The following SLC22A5 variants were observed in gnomAD, a reference collection of about 807,000 sequenced individuals.
SLC22A5 encodes solute carrier family 22 member 5.
A neutral mutation model predicts 56.7 loss-of-function variants in SLC22A5; 44 were observed. That is an observed-to-expected ratio of 0.78 (90% CI 0.61 to 1.00). The LOEUF is 1.00. Among genes scored for constraint, SLC22A5 ranks in the 50% least tolerant of loss-of-function variants. The pLI, the probability that SLC22A5 is intolerant of heterozygous loss-of-function variation, is 0.00. For missense variants in SLC22A5, 675 were observed against 723.0 expected (o/e 0.93, Z 0.76); for synonymous variants, 278 against 292.1 (o/e 0.95, Z 0.49).
chr5:132,376,044 A>C (rs533472923), intron 1 of SLC22A5: 1 of 152,380 alleles, frequency 6.6e-6, no homozygotes, highest in East Asian at 1.9e-4. Context: ...GGGGGTACTT[A>C]GCCTGGACTC....
chr5:132,385,091 A>G (rs1752474808), intron 3 of SLC22A5, among the ~76,000 whole-genome samples: 1 of 152,226 alleles, frequency 6.6e-6, no homozygotes, highest in African/African-American at 2.4e-5. Context: ...TGGCTTCAGA[A>G]CATGGCGAAA....
chr5:132,375,415 T>A (rs889083093), intron 1 of SLC22A5, among the ~76,000 whole-genome samples: 3 of 152,232 alleles, frequency 2.0e-5, no homozygotes, highest in Non-Finnish European at 4.4e-5. Context: ...CATGTCTGAC[T>A]GTTGATACGG....
intron 6 of SLC22A5, 57 bp from the exon 7 acceptor site, chr5:132,390,633 C>A: frequency 8.3e-7 from 1 of 1,203,646 alleles, no homozygotes; most frequent in Non-Finnish European, 1.2e-6. Context: ...AAAAGTTGTA[C>A]AGGTTGGGAA....
intron 6 of SLC22A5, chr5:132,389,905 C>T (rs1430361805): frequency 6.5e-6 from 1 of 154,664 alleles, no homozygotes; most frequent in African/African-American, 2.4e-5. Flanking sequence ...TGTGTTCACC[C>T]AGGCTCTCCT....
chr5:132,395,152 T>G lies in SLC22A5; in HGVS notation c.*880T>G, dbSNP rs1424472143. The G allele has an allele frequency of 6.6e-6, 1 of 152,576 alleles. No homozygotes were observed. The highest frequency in any genetic ancestry group is 1.5e-5 in the Non-Finnish European group (1 of 68,038). 9.5% of individuals were successfully genotyped at this position (152,576 alleles called of 1,614,324 possible). Reference sequence around the variant, plus strand: ...TTGTTGTTGTATCCTTTTCTCCTTGTTATTTGCCCTTCAGAATGCACTTGG... The same window carrying G: ...TTGTTGTTGTATCCTTTTCTCCTTGGTATTTGCCCTTCAGAATGCACTTGG... On this transcript the variant is annotated 3_prime_UTR_variant, in exon 10 of 10. Coordinates refer to ENST00000245407, the MANE Select transcript of SLC22A5 (RefSeq NM_003060.4).
At chr5:132,392,408 T>C in intron 7 of SLC22A5, 25 bp from the exon 8 acceptor site, 1 of 1,607,902 alleles carries the variant, frequency 6.2e-7, no homozygotes, top group South Asian at 1.1e-5. Flanking sequence ...TACCTACTCC[T>C]ACCCTCTTTC....
chr5:132,369,839 C>G lies in SLC22A5; in HGVS notation c.-134C>G. 8.5e-7 allele frequency: 1 copy of G among 1,179,692 alleles called. No individual in the cohort carries two copies. The highest frequency in any genetic ancestry group is 2.9e-5 in the Admixed American group (1 of 34,150). 73.1% of individuals were successfully genotyped at this position (1,179,692 alleles called of 1,614,324 possible). On this transcript the variant is annotated 5_prime_UTR_variant, in exon 1 of 10. Coordinates refer to ENST00000245407, the MANE Select transcript of SLC22A5 (RefSeq NM_003060.4). ...CAAGGCGGCGGTGTCAGCTCGCGAG[C>G]CTACCCTCCGCGGACGGTCTTGGGT...
Position 132,388,151 on chromosome 5 carries a change from C to CT in SLC22A5, c.952-766dup, listed in dbSNP as rs376031247. ...GGTCAGGCAGGAGTGTGGCAGAGGG[C>CT]TTTTAAGTTAGGTGGTTTTGGGGGC... On this transcript the variant is annotated intron_variant, in intron 5 of 9. Coordinates refer to ENST00000245407, the MANE Select transcript of SLC22A5 (RefSeq NM_003060.4). Among the ~76,000 whole-genome samples, 475 of 152,274 alleles carry CT rather than the reference C, an allele frequency of 3.1e-3. 3 individuals are homozygous for CT. Among genetic ancestry groups the CT allele is most frequent in the African/African-American group, 0.011 (450 of 41,556 alleles).
At chr5:132,385,566 G>C in intron 4 of SLC22A5, 67 bp downstream of exon 4, 1 of 1,318,042 alleles carries the variant, frequency 7.6e-7, no homozygotes, top group Non-Finnish European at 1.1e-6. Context: ...TCACTAGAGG[G>C]CAGCAACAAC....
rs781330134 is a variant in SLC22A5 at position 132,390,886 on chromosome 5, A to AT, written c.1250dup (p.Met417IlefsTer106). 2.9e-5 allele frequency: 47 copies of AT among 1,613,880 alleles called. No homozygotes were observed. Among genetic ancestry groups the AT allele is most frequent in the Non-Finnish European group, 3.9e-5 (46 of 1,179,966 alleles). On this transcript the variant is annotated frameshift_variant, in exon 7 of 10. Transcript: ENST00000245407. LOFTEE classifies it high-confidence loss of function. The stretch of plus-strand genomic sequence containing the variant: ...CCTGGGTGGCAGTGTCCTTCTCTTC[A>AT]TGCAGCTGGTACCCCCAGGTAGGGA...
At chr5:132,392,716 A>G in intron 8 of SLC22A5, 101 bp downstream of exon 8, 1 of 986,402 alleles carries the variant, frequency 1.0e-6, no homozygotes, top group African/African-American at 1.6e-5. Context: ...AAACAAGTTC[A>G]TACAGTACAT....
intron 5 of SLC22A5, among the ~76,000 whole-genome samples, chr5:132,388,156 A>C (rs1161844368): frequency 6.6e-6 from 1 of 152,094 alleles, no homozygotes; most frequent in Non-Finnish European, 1.5e-5. Flanking sequence ...GAGGGCTTTT[A>C]AGTTAGGTGG....
rs764544978 is a variant in SLC22A5, at chr5:132,387,043, C to T, written c.843C>T (p.Pro281=). The stretch of plus-strand genomic sequence containing the variant: ...CTGCCAGGTTCATCCCTGAGTCCCC[C>T]CGATGGCTCATCTCTCAGGGACGAT... ...VALWWFIPES[P]RWLISQGRFE... The change falls in exon 5 of 10, where the codon CCC becomes CCT. Residue 281 remains proline (P), a synonymous_variant. Transcript: ENST00000245407. 1.3e-5 allele frequency: 21 copies of T among 1,614,008 alleles called. No individual in the cohort carries two copies. The Admixed American group carries it at 3.3e-4, about 26-fold the overall frequency.
chr5:132,383,754 A>C, intron 2 of SLC22A5: 1 of 265,036 alleles, frequency 3.8e-6, no homozygotes, highest in Non-Finnish European at 7.4e-6. Context: ...AATCAGGACA[A>C]ATGTTTCTTT....
In SLC22A5 at chr5:132,385,461, G is replaced by A. The variant is rs758916243; in HGVS notation, c.786G>A (p.Ala262=). The change falls in exon 4 of 10, where the codon GCG becomes GCA. Residue 262 remains alanine, a synonymous_variant. Coordinates refer to ENST00000245407, the MANE Select transcript of SLC22A5 (RefSeq NM_003060.4). ...GAGACTGGCGGATGCTGCTGGTGGC[G>A]CTGACGATGCCGGGGGTGCTATGCG... ...FIRDWRMLLV[A]LTMPGVLCVA... 1.1e-5 allele frequency: 17 copies of A among 1,614,024 alleles called. No homozygotes were observed. Among genetic ancestry groups the A allele is most frequent in the East Asian group, 6.7e-5 (3 of 44,892 alleles).
rs753461448 is a variant in SLC22A5, at chr5:132,390,753, C to G, written c.1116C>G (p.Ile372Met). Residue 372 changes from isoleucine (I) to methionine (M), a missense_variant, in exon 7 of 10, where the codon ATC becomes ATG. Transcript: ENST00000245407. ...ATACTCCTAACTTGCATGGGGACAT[C>G]TTTGTGAACTGCTTCCTTTCAGCGA... ...SLDTPNLHGD[I>M]FVNCFLSAMV... is the part of the protein sequence containing the mutation. 1.2e-6 allele frequency: 2 copies of G among 1,614,248 alleles called. No individual in the cohort carries two copies. Among genetic ancestry groups the G allele is most frequent in the Middle Eastern group, 1.6e-4 (1 of 6,062 alleles).
At chr5:132,383,566 G>A (rs1288093695) in intron 2 of SLC22A5, 1 of 158,468 alleles carries the variant, frequency 6.3e-6, no homozygotes, top group Non-Finnish European at 1.4e-5. Context: ...ATTCCTGACT[G>A]TCTCTTTATG....
At chr5:132,372,826 C>G (rs1204787128) in intron 1 of SLC22A5, among the ~76,000 whole-genome samples, 6 of 152,128 alleles carry the variant, frequency 3.9e-5, no homozygotes. Flanking sequence ...TCTTTCAACC[C>G]AAACCTGGCC....
Position 132,395,135 on chromosome 5 carries a change from G to A in SLC22A5, c.*863G>A, listed in dbSNP as rs1051509404. Reference sequence around the variant, plus strand: ...TTTTATTGTTTATTTGTTTGTTGTTGTATCCTTTTCTCCTTGTTATTTGCC... The same window carrying A: ...TTTTATTGTTTATTTGTTTGTTGTTATATCCTTTTCTCCTTGTTATTTGCC... On this transcript the variant is annotated 3_prime_UTR_variant, in exon 10 of 10. Coordinates refer to ENST00000245407, the MANE Select transcript of SLC22A5 (RefSeq NM_003060.4). The A allele has an allele frequency of 6.6e-6, 1 of 151,834 alleles. No homozygotes were observed. The highest frequency in any genetic ancestry group is 2.4e-5 in the African/African-American group (1 of 41,244). 9.4% of individuals were successfully genotyped at this position (151,834 alleles called of 1,614,324 possible).
Sources: allele counts gnomAD v4.1 joint callset (sites outside exome capture counted in the v4.1 genomes callset), GRCh38; gene constraint gnomAD v4.1.1; transcripts MANE v1.5; gene names NCBI Gene and HGNC (gene_info 2026-07-23, HGNC 2026-07-21).